SPAG17: variants seen among roughly 807,000 people sequenced by gnomAD.
SPAG17 encodes the protein sperm associated antigen 17.
In SPAG17, 169 loss-of-function variants were observed where a neutral mutation model predicts 273.6. The ratio of observed to expected loss-of-function variants is 0.62; its 90% CI spans 0.55 to 0.70. SPAG17 has a LOEUF of 0.70. Ranked by LOEUF, SPAG17 falls within the 30% of genes least tolerant of loss-of-function variation. SPAG17 has a pLI of 0.00. For synonymous variants in SPAG17, 825 were observed against 873.2 expected (o/e 0.94, Z 0.97); for missense variants, 2,557 against 2,627.8 (o/e 0.97, Z 0.59).
At chr1:118,084,660 C>T (rs1654846354) in intron 13 of SPAG17, among the ~76,000 whole-genome samples, 1 of 152,202 alleles carries the variant, frequency 6.6e-6, no homozygotes, top group Non-Finnish European at 1.5e-5. Flanking sequence ...ACAGTGGGCT[C>T]TCTATTCATC....
intron 3 of SPAG17, among the ~76,000 whole-genome samples, chr1:118,122,075 T>C (rs112459452): frequency 1.5e-3 from 227 of 152,288 alleles, no homozygotes; most frequent in African/African-American, 5.3e-3. Context: ...ACATTCTGCT[T>C]TTATCTTACA....
intron 30 of SPAG17, 102 bp downstream of exon 30, chr1:118,012,126 A>T: frequency 8.3e-7 from 1 of 1,207,378 alleles, no homozygotes; most frequent in Non-Finnish European, 1.1e-6. Context: ...TTACCAAAAA[A>T]TTATTTTTCT....
chr1:118,020,304 C>T (rs1363347815), intron 28 of SPAG17, among the ~76,000 whole-genome samples: 6 of 152,042 alleles, frequency 3.9e-5, no homozygotes, highest in Admixed American at 2.0e-4. Context: ...TTTGATGGCA[C>T]GTGCCTGTAA....
At chr1:118,003,161 T>A (rs543616933) in intron 32 of SPAG17, among the ~76,000 whole-genome samples, 1 of 152,356 alleles carries the variant, frequency 6.6e-6, no homozygotes, top group South Asian at 2.1e-4. Flanking sequence ...GCCCCCACTC[T>A]CTTCTGGCTT....
At chr1:118,117,147 C>T (rs938594795) in intron 3 of SPAG17, among the ~76,000 whole-genome samples, 5 of 152,194 alleles carry the variant, frequency 3.3e-5, no homozygotes, top group African/African-American at 9.7e-5. Flanking sequence ...TGATTCAAAA[C>T]ATTCAAATGT....
chr1:117,970,221 C>T (rs747349447), intron 45 of SPAG17, 105 bp from the exon 46 acceptor site: 101 of 1,102,436 alleles, frequency 9.2e-5, no homozygotes, highest in Non-Finnish European at 1.3e-4. Context: ...ATTTGCTACA[C>T]AGGAGCCGGG....
intron 15 of SPAG17, among the ~76,000 whole-genome samples, chr1:118,077,291 A>C (rs1654181237): frequency 1.3e-5 from 2 of 152,102 alleles, no homozygotes; most frequent in Non-Finnish European, 2.9e-5. Context: ...CCCCCTTTCA[A>C]ATGGAATGGC....
rs1647323750 is a variant in SPAG17 at position 118,023,309 on chromosome 1, T to C, written c.4064A>G (p.Lys1355Arg). 6.2e-7 allele frequency: 1 copy of C among 1,609,684 alleles called. No homozygotes were observed. The highest frequency in any genetic ancestry group is 8.5e-7 in the Non-Finnish European group (1 of 1,177,582). Residue 1355 changes from lysine (K) to arginine (R), a missense_variant, in exon 28 of 49, where the codon AAG (lysine) becomes AGG (arginine). Transcript: ENST00000336338. ...TGAGAGGCTTCAATTGTTACCTTTC[T>C]TTGTGTTGGTAATCTCAGATGGTAT... Reference protein sequence around the residue: ...ETIPSEITNTKKGKSHKSQSS... With the variant: ...ETIPSEITNTRKGKSHKSQSS...
Position 117,996,664 on chromosome 1 carries a change from T to A in SPAG17, c.4856A>T (p.Tyr1619Phe). Residue 1619 changes from tyrosine to phenylalanine, a missense_variant, in exon 33 of 49, where the codon TAT (tyrosine) becomes TTT (phenylalanine). Coordinates refer to ENST00000336338, the MANE Select transcript of SPAG17 (RefSeq NM_206996.4). ...EDDLNEKTEG[Y>F]DSLSSMHLEK... ...AAGGTGCATAGAGGACAGACTATCA[T>A]AGCCCTCAGTTTTCTCATTTAAATC... 6.2e-7 allele frequency: 1 copy of A among 1,612,932 alleles called. No individual in the cohort carries two copies. Among genetic ancestry groups the A allele is most frequent in the Non-Finnish European group, 8.5e-7 (1 of 1,179,366 alleles).
At chr1:118,005,042 A>G (rs983233567) in intron 32 of SPAG17, among the ~76,000 whole-genome samples, 1 of 152,072 alleles carries the variant, frequency 6.6e-6, no homozygotes, top group African/African-American at 2.4e-5. Context: ...CTCTGTGACT[A>G]CTCAAAGAAA....
intron 24 of SPAG17, among the ~76,000 whole-genome samples, chr1:118,032,664 G>A (rs971500979): frequency 1.3e-5 from 2 of 151,636 alleles, no homozygotes; most frequent in African/African-American, 4.8e-5. Context: ...GTGCAACCTC[G>A]GCTCACTGCA....
At chr1:118,108,178 C>T (rs1259009602) in intron 4 of SPAG17, among the ~76,000 whole-genome samples, 1 of 152,166 alleles carries the variant, frequency 6.6e-6, no homozygotes, top group Admixed American at 6.5e-5. Flanking sequence ...CAGTCTATCC[C>T]TCACTCCTCC....
intron 35 of SPAG17, among the ~76,000 whole-genome samples, chr1:117,993,631 T>C (rs1657340815): frequency 6.6e-6 from 1 of 152,180 alleles, no homozygotes; most frequent in Non-Finnish European, 1.5e-5. Context: ...ATGTTCATCA[T>C]TTGTGTTTGC....
chr1:118,176,460 GAC>G (rs2102403360), intron 1 of SPAG17, among the ~76,000 whole-genome samples: 1 of 152,146 alleles, frequency 6.6e-6, no homozygotes, highest in Non-Finnish European at 1.5e-5. Flanking sequence ...TGCACAAAGA[GAC>G]AAACAAGGTC....
intron 28 of SPAG17, among the ~76,000 whole-genome samples, chr1:118,022,725 A>C (rs1458513493): frequency 6.6e-6 from 1 of 152,096 alleles, no homozygotes; most frequent in Non-Finnish European, 1.5e-5. Flanking sequence ...CTGTCTCCTG[A>C]GATAGAGGCC....
chr1:118,155,473 T>C (rs1466211372), intron 1 of SPAG17, among the ~76,000 whole-genome samples: 1 of 152,212 alleles, frequency 6.6e-6, no homozygotes. Context: ...CACCAGCAAC[T>C]TGCTGATTTA....
intron 17 of SPAG17, among the ~76,000 whole-genome samples, chr1:118,069,405 T>C (rs886433213): frequency 3.4e-4 from 50 of 145,028 alleles, no homozygotes; most frequent in African/African-American, 1.1e-3. Context: ...TATTTGGAGG[T>C]ATACCCCTTA....
At chr1:118,146,250 G>C (rs1467757076) in intron 3 of SPAG17, among the ~76,000 whole-genome samples, 1 of 152,132 alleles carries the variant, frequency 6.6e-6, no homozygotes, top group Admixed American at 6.5e-5. Context: ...GGTACACGTA[G>C]AACTCTCTCA....
rs544036699 is a variant in SPAG17 at position 118,020,315 on chromosome 1, T to C, written c.4069+2989A>G. Among the ~76,000 whole-genome samples, 5 of 152,080 alleles carry C rather than the reference T, an allele frequency of 3.3e-5. No individual in the cohort carries two copies. In the South Asian group the frequency reaches 1.0e-3, roughly 32 times the overall value. The stretch of plus-strand genomic sequence containing the variant: ...CAGCTTTGATGGCACGTGCCTGTAA[T>C]CCCAGCCACTTGGGAGGCTGAGGCA... On this transcript the variant is annotated intron_variant, in intron 28 of 48. Transcript: ENST00000336338.
Sources: allele counts gnomAD v4.1 joint callset (sites outside exome capture counted in the v4.1 genomes callset), GRCh38; gene constraint gnomAD v4.1.1; transcripts MANE v1.5; gene names NCBI Gene and HGNC (gene_info 2026-07-23, HGNC 2026-07-21).